VPS13A: variants seen among roughly 807,000 people sequenced by gnomAD.
VPS13A encodes vacuolar protein sorting 13 homolog A.
VPS13A carries 264 observed loss-of-function variants against 390.9 expected under a neutral mutation model. That is an observed-to-expected ratio of 0.68 (90% CI 0.61 to 0.75). VPS13A has a LOEUF of 0.75. Ranked by LOEUF, VPS13A falls within the 30% of genes least tolerant of loss-of-function variation. The pLI is 0.00. For missense variants in VPS13A, 3,409 were observed against 3,733.9 expected, an observed-to-expected ratio of 0.91 and a Z score of 2.27; for synonymous variants, 1,231 against 1,227.1, an observed-to-expected ratio of 1.00 and a Z score of -0.07.
intron 71 of VPS13A, among the ~76,000 whole-genome samples, chr9:77,409,519 C>T (rs575939949): frequency 5.0e-4 from 76 of 152,042 alleles, no homozygotes; most frequent in East Asian, 2.1e-3. Context: ...GGAGGAAGTT[C>T]GAATCCATGG....
intron 67 of VPS13A, 72 bp from the exon 68 acceptor site, chr9:77,381,904 A>G: frequency 1.1e-6 from 1 of 931,988 alleles, no homozygotes; most frequent in South Asian, 1.6e-5. Flanking sequence ...TGTTTTTAGT[A>G]ATTGCATTTT....
chr9:77,414,864 ACT>A lies in VPS13A; in HGVS notation c.9475-1089_9475-1088del, dbSNP rs1198627773. 5.9e-5 allele frequency among the ~76,000 whole-genome samples: 9 copies of A among 151,848 alleles called. 2 individuals are homozygous for A. In the South Asian group the frequency reaches 1.9e-3, roughly 32 times the overall value. On this transcript the variant is annotated intron_variant, in intron 71 of 71. Coordinates refer to ENST00000360280, the MANE Select transcript of VPS13A (RefSeq NM_033305.3). ...CCCTGGCCTCCTGCACTCATACAAC[ACT>A]CTGCGTTGATCCTGGCTGTGGTGAC... is the stretch of plus-strand genomic sequence containing the variant.
intron 34 of VPS13A, among the ~76,000 whole-genome samples, chr9:77,303,850 G>A (rs953175905): frequency 4.6e-5 from 7 of 152,138 alleles, no homozygotes; most frequent in Non-Finnish European, 7.3e-5. Context: ...CCATAGGGCG[G>A]TTTTTCTCCT....
intron 31 of VPS13A, 88 bp from the exon 32 acceptor site, chr9:77,293,252 TG>T: frequency 8.3e-7 from 1 of 1,197,988 alleles, no homozygotes; most frequent in East Asian, 2.5e-5. Context: ...TTTCTAACTA[TG>T]TTTTGTTATT....
At chr9:77,380,996 C>T (rs1333661732) in intron 67 of VPS13A, among the ~76,000 whole-genome samples, 2 of 152,212 alleles carry the variant, frequency 1.3e-5, no homozygotes, top group Admixed American at 1.3e-4. Context: ...GTTCAAGTCC[C>T]ATGGGTTGGG....
At chr9:77,244,115 A>G (rs1230003106) in intron 19 of VPS13A, among the ~76,000 whole-genome samples, 2 of 152,080 alleles carry the variant, frequency 1.3e-5, no homozygotes, top group South Asian at 2.1e-4. Flanking sequence ...ACGTGTACCT[A>G]TCGTCCCAGC....
Position 77,335,684 on chromosome 9 carries a change from G to A in VPS13A, c.6096-1571G>A, listed in dbSNP as rs185774456. Among the ~76,000 whole-genome samples the A allele has an allele frequency of 4.2e-3, 635 of 152,228 alleles. 8 individuals are homozygous for A. Among genetic ancestry groups the A allele is most frequent in the African/African-American group, 0.014 (599 of 41,548 alleles). The stretch of plus-strand genomic sequence containing the variant: ...TCTCACGCCAGTTAGAATGGCAATC[G>A]TTAAAAAGTCAGGACACAACAGATG... On this transcript the variant is annotated intron_variant, in intron 46 of 71. Transcript: ENST00000360280.
chr9:77,349,291 AAT>A (rs1831328168), intron 52 of VPS13A, among the ~76,000 whole-genome samples: 1 of 151,966 alleles, frequency 6.6e-6, no homozygotes, highest in African/African-American at 2.4e-5. Context: ...TTCAAAGCAC[AAT>A]TTTTTTTTCT....
chr9:77,241,167 A>G (rs1297809876), intron 19 of VPS13A, among the ~76,000 whole-genome samples: 1 of 151,460 alleles, frequency 6.6e-6, no homozygotes, highest in Admixed American at 6.6e-5. Context: ...AGCCTTTCTT[A>G]CTCCATCTTC....
chr9:77,199,087 A>G (rs991111306), intron 1 of VPS13A, among the ~76,000 whole-genome samples: 1 of 152,120 alleles, frequency 6.6e-6, no homozygotes, highest in Non-Finnish European at 1.5e-5. Context: ...ATTACTTTCT[A>G]TGTGTCTTAC....
Position 77,275,683 on chromosome 9 carries a change from A to G in VPS13A, c.2667+31A>G, listed in dbSNP as rs759724371. ...TACTACGGTAAAATTAACATGGCTT[A>G]ATTTGTTTGCTGTTTCTATATTTAC... is the stretch of plus-strand genomic sequence containing the variant. On this transcript the variant is annotated intron_variant, in intron 25 of 71. Coordinates refer to ENST00000360280, the MANE Select transcript of VPS13A (RefSeq NM_033305.3). The G allele has an allele frequency of 3.7e-6, 6 of 1,604,274 alleles. No individual in the cohort carries two copies. The Admixed American group carries it at 6.7e-5, about 18-fold the overall frequency.
chr9:77,393,216 TGTTCAA>T (rs751973759), intron 68 of VPS13A, among the ~76,000 whole-genome samples: 23 of 152,380 alleles, frequency 1.5e-4, no homozygotes, highest in South Asian at 8.3e-4. Flanking sequence ...ATTTCTCCTT[TGTTCAA>T]GTTTTATCAT....
chr9:77,213,104 G>A, intron 8 of VPS13A, 76 bp downstream of exon 8: 1 of 1,565,828 alleles, frequency 6.4e-7, no homozygotes, highest in East Asian at 2.3e-5. Flanking sequence ...TATAGATAAG[G>A]ATGTATGTGA....
In VPS13A at chr9:77,337,336, TG is replaced by T; in HGVS notation, c.6179del (p.Gly2060ValfsTer4). ...ACTTTGAAGAGATTATAAAAAATGA[TG>T]GTGCTCTTCTAAAGAAGAAATGTAG... ...IDFEEIIKND[G>X]ALLKKKCRSK... On this transcript the variant is annotated frameshift_variant, in exon 47 of 72. Coordinates refer to ENST00000360280, the MANE Select transcript of VPS13A (RefSeq NM_033305.3). LOFTEE classifies it high-confidence loss of function. The T allele has an allele frequency of 6.2e-7, 1 of 1,612,980 alleles. No individual in the cohort carries two copies. The highest frequency in any genetic ancestry group is 8.5e-7 in the Non-Finnish European group (1 of 1,179,322).
chr9:77,345,513 A>G (rs984708802), intron 52 of VPS13A, among the ~76,000 whole-genome samples: 16 of 152,080 alleles, frequency 1.1e-4, no homozygotes, highest in African/African-American at 3.6e-4. Context: ...TTTTTTTTCA[A>G]ACAGTAGGTA....
chr9:77,274,450 C>G (rs1465314232), intron 24 of VPS13A, among the ~76,000 whole-genome samples: 2 of 148,040 alleles, frequency 1.4e-5, no homozygotes, highest in African/African-American at 5.0e-5. Flanking sequence ...AAAAAAATGA[C>G]AGGGACCACT....
At chr9:77,373,560 C>G (rs371888427) in intron 67 of VPS13A, among the ~76,000 whole-genome samples, 1,673 of 143,868 alleles carry the variant, frequency 0.012, 37 homozygotes, top group African/African-American at 0.041. Context: ...CATTACCATT[C>G]AGGACATAGG....
intron 26 of VPS13A, 80 bp downstream of exon 26, chr9:77,276,301 C>T: frequency 7.8e-7 from 1 of 1,274,000 alleles, no homozygotes; most frequent in Non-Finnish European, 1.1e-6. Context: ...ATTCTTTAGG[C>T]TCTGAATCAG....
At chr9:77,259,646 G>A (rs1825644730) in intron 22 of VPS13A, among the ~76,000 whole-genome samples, 1 of 152,164 alleles carries the variant, frequency 6.6e-6, no homozygotes, top group Admixed American at 6.6e-5. Flanking sequence ...AATGATCTTT[G>A]ATACATAGTC....
Sources: gnomAD v4.1 joint callset for allele counts (sites outside exome capture counted in the v4.1 genomes callset) on GRCh38, gnomAD v4.1.1 for gene constraint, MANE v1.5 for transcripts, NCBI Gene and HGNC (gene_info 2026-07-23, HGNC 2026-07-21) for gene names.